The following CFAP58 variants were observed in gnomAD, a reference collection of about 807,000 sequenced individuals.
The protein encoded by CFAP58 is cilia and flagella associated protein 58, also known as cilia- and flagella-associated protein 58.
In CFAP58, 88 loss-of-function variants were observed where a neutral mutation model predicts 119.5. The observed-to-expected ratio is 0.74, with a 90% CI of 0.62 to 0.88. The LOEUF is 0.88. CFAP58 is among the 40% of genes least tolerant of loss of function. The pLI, the probability that CFAP58 is intolerant of heterozygous loss-of-function variation, is 0.00. For synonymous variants in CFAP58, 365 were observed against 366.3 expected (o/e 1.00, Z 0.04); for missense variants, 990 against 1,021.2 (o/e 0.97, Z 0.42).
intron 9 of CFAP58, among the ~76,000 whole-genome samples, chr10:104,385,793 G>C (rs1258949409): frequency 2.6e-5 from 4 of 152,190 alleles, no homozygotes; most frequent in Non-Finnish European, 5.9e-5. Context: ...AGAAAGACCT[G>C]TACAGGCTGA....
At chr10:104,416,099 T>C (rs2012548538) in intron 15 of CFAP58, among the ~76,000 whole-genome samples, 1 of 152,194 alleles carries the variant, frequency 6.6e-6, no homozygotes. Context: ...CTGATAGAAC[T>C]GGATCATCCT....
intron 15 of CFAP58, among the ~76,000 whole-genome samples, chr10:104,423,300 C>A (rs1413182870): frequency 6.6e-6 from 1 of 152,078 alleles, no homozygotes; most frequent in African/African-American, 2.4e-5. Context: ...TGAATCAGAG[C>A]AAATATGTGA....
intron 15 of CFAP58, among the ~76,000 whole-genome samples, chr10:104,435,351 G>T (rs1293336598): frequency 6.6e-6 from 1 of 152,190 alleles, no homozygotes; most frequent in African/African-American, 2.4e-5. Flanking sequence ...GGGCATGGTG[G>T]TGTGTGCCTG....
intron 16 of CFAP58, among the ~76,000 whole-genome samples, chr10:104,449,160 G>C (rs1280771952): frequency 1.6e-5 from 2 of 126,188 alleles, no homozygotes; most frequent in East Asian, 4.6e-4. Context: ...TACTGAGACA[G>C]GTTTTTTTTT....
chr10:104,433,905 A>G (rs1589934705), intron 15 of CFAP58, among the ~76,000 whole-genome samples: 1 of 152,190 alleles, frequency 6.6e-6, no homozygotes, highest in East Asian at 1.9e-4. Context: ...GTACAGTTAC[A>G]CGGCTGCTCT....
chr10:104,380,877 G>A (rs1008832523), intron 9 of CFAP58, among the ~76,000 whole-genome samples: 1 of 152,076 alleles, frequency 6.6e-6, no homozygotes, highest in Non-Finnish European at 1.5e-5. Flanking sequence ...AGCTGGGCAC[G>A]ATGGCTCACA....
At chr10:104,357,348 C>A (rs988888992) in intron 1 of CFAP58, among the ~76,000 whole-genome samples, 36 of 152,142 alleles carry the variant, frequency 2.4e-4, no homozygotes, top group Non-Finnish European at 5.3e-4. Flanking sequence ...GGGGCATGAC[C>A]TAGCCTACAT....
At chr10:104,345,308 A>G in the CFAP58 span, among the ~76,000 whole-genome samples, 1 of 152,026 alleles carries the variant, frequency 6.6e-6, no homozygotes, top group African/African-American at 2.4e-5. Flanking sequence ...GTTCTTTGGT[A>G]TTTACATTGA....
In CFAP58 at chr10:104,376,845, C is replaced by T. The variant is rs759024653; in HGVS notation, c.1125C>T (p.Asp375=). The T allele has an allele frequency of 6.2e-7, 1 of 1,613,388 alleles. No homozygotes were observed. The highest frequency in any genetic ancestry group is 1.3e-5 in the African/African-American group (1 of 74,824). The change falls in exon 8 of 18, where the codon GAC becomes GAT. Residue 375 remains aspartate (D), a synonymous_variant. Coordinates refer to ENST00000369704, the MANE Select transcript of CFAP58 (RefSeq NM_001008723.2). ...VEASKKQAEL[D]RKAMDELLRE... is the part of the protein sequence containing the mutation. Reference sequence around the variant, plus strand: ...CTTCAAAGAAACAAGCAGAACTTGACAGAAAGGCAATGGACGAGCTTCTAA... The same window carrying T: ...CTTCAAAGAAACAAGCAGAACTTGATAGAAAGGCAATGGACGAGCTTCTAA...
chr10:104,414,815 G>A (rs536089978), intron 15 of CFAP58, among the ~76,000 whole-genome samples: 8 of 152,206 alleles, frequency 5.3e-5, no homozygotes, highest in African/African-American at 1.9e-4. Context: ...GACTACAGGC[G>A]CCTGCCACCG....
At chr10:104,338,671 G>C in the CFAP58 span, among the ~76,000 whole-genome samples, 2 of 152,126 alleles carry the variant, frequency 1.3e-5, no homozygotes, top group Non-Finnish European at 2.9e-5. Flanking sequence ...GGCCAGTGGA[G>C]TAAACTGGAG....
At chr10:104,396,609 A>G (rs1444411292) in intron 11 of CFAP58, among the ~76,000 whole-genome samples, 1 of 152,220 alleles carries the variant, frequency 6.6e-6, no homozygotes, top group Non-Finnish European at 1.5e-5. Flanking sequence ...GACTCTTGAG[A>G]TATGATTTAT....
At chr10:104,382,590 A>C (rs1207987231) in intron 9 of CFAP58, among the ~76,000 whole-genome samples, 1 of 152,186 alleles carries the variant, frequency 6.6e-6, no homozygotes, top group Admixed American at 6.5e-5. Flanking sequence ...GTCTCCACCC[A>C]CATCTCATCT....
chr10:104,433,094 G>T (rs2012876005), intron 15 of CFAP58, among the ~76,000 whole-genome samples: 4 of 152,168 alleles, frequency 2.6e-5, no homozygotes, highest in Admixed American at 2.6e-4. Context: ...CACTAAAGAT[G>T]CAGTTAATTT....
Position 104,431,045 on chromosome 10 carries a change from GT to G in CFAP58, c.2257-16651del, listed in dbSNP as rs1246329707. Among the ~76,000 whole-genome samples, 3 of 152,200 alleles carry G rather than the reference GT, an allele frequency of 2.0e-5. No homozygotes were observed. The East Asian group carries it at 5.8e-4, about 29-fold the overall frequency. Reference sequence around the variant, plus strand: ...CAGTTCTGTTTTATGGTCATGATTAGTTGGGTACCAGTTTGGCTACTAGGTT... The same window carrying G: ...CAGTTCTGTTTTATGGTCATGATTAGTGGGTACCAGTTTGGCTACTAGGTT... On this transcript the variant is annotated intron_variant, in intron 15 of 17. Coordinates refer to ENST00000369704, the MANE Select transcript of CFAP58 (RefSeq NM_001008723.2).
At chr10:104,372,118 C>T (rs527556773) in intron 7 of CFAP58, among the ~76,000 whole-genome samples, 1 of 152,066 alleles carries the variant, frequency 6.6e-6, no homozygotes, top group Non-Finnish European at 1.5e-5. Flanking sequence ...TTTGGGAGGC[C>T]AAGGCAGGCG....
At chr10:104,432,039 T>G (rs777857516) in intron 15 of CFAP58, among the ~76,000 whole-genome samples, 2 of 152,186 alleles carry the variant, frequency 1.3e-5, no homozygotes, top group Admixed American at 6.5e-5. Context: ...CTGTACAAGT[T>G]TCCTGTACAC....
At chr10:104,382,057 T>C (rs1039571316) in intron 9 of CFAP58, 4 of 716,216 alleles carry the variant, frequency 5.6e-6, no homozygotes, top group Admixed American at 4.0e-5. Flanking sequence ...AATAAAGATC[T>C]ATGTTTTGCT....
intron 15 of CFAP58, among the ~76,000 whole-genome samples, chr10:104,433,966 G>A (rs1249372221): frequency 2.6e-5 from 4 of 152,184 alleles, no homozygotes; most frequent in Non-Finnish European, 5.9e-5. Flanking sequence ...TTTGGCAGGT[G>A]ACTTCAAATA....
Sources: gnomAD v4.1 joint callset for allele counts (sites outside exome capture counted in the v4.1 genomes callset) on GRCh38, gnomAD v4.1.1 for gene constraint, MANE v1.5 for transcripts, NCBI Gene and HGNC (gene_info 2026-07-23, HGNC 2026-07-21) for gene names.